The following BMP1 variants were observed in gnomAD, a reference collection of about 807,000 sequenced individuals.
BMP1 encodes mammalian tolloid protein.
BMP1 carries 63 observed loss-of-function variants against 116.8 expected under a neutral mutation model. The observed-to-expected ratio is 0.54, with a 90% CI of 0.44 to 0.67. The LOEUF (loss-of-function observed/expected upper bound fraction) is 0.67. BMP1 is among the 30% of genes least tolerant of loss of function. The pLI is 0.00. For synonymous variants in BMP1, 536 were observed against 533.4 expected (o/e 1.00, Z -0.07); for missense variants, 1,183 against 1,358.9 (o/e 0.87, Z 2.04).
chr8:22,179,978 C>A lies in BMP1; in HGVS notation c.961+149C>A. The A allele has an allele frequency of 1.1e-6, 1 of 945,582 alleles. No individual in the cohort carries two copies. Among genetic ancestry groups the A allele is most frequent in the Non-Finnish European group, 1.5e-6 (1 of 650,188 alleles). 58.6% of individuals were successfully genotyped at this position (945,582 alleles called of 1,614,324 possible). A position where few individuals can be genotyped will look rare whatever the true frequency, so the allele number is the denominator to read the frequency against. ...GGGGACCCCATAGGAGGGGCAGTGTCCAAGTGAAGGAGGCCGCTGGGGGTA... is the reference window on the plus strand; with the variant it reads ...GGGGACCCCATAGGAGGGGCAGTGTACAAGTGAAGGAGGCCGCTGGGGGTA... On this transcript the variant is annotated intron_variant, in intron 7 of 19. Transcript: ENST00000306385. The surrounding 1 kb of genome is among the most constrained non-coding windows in gnomAD (Gnocchi z 4.6).
intron 17 of BMP1, 89 bp from the exon 18 acceptor site, chr8:22,207,214 T>A: frequency 1.4e-6 from 2 of 1,453,582 alleles, no homozygotes; most frequent in Non-Finnish European, 1.9e-6. Flanking sequence ...CCCATGGGTA[T>A]CTGTGAGGCC....
intron 15 of BMP1, among the ~76,000 whole-genome samples, chr8:22,200,953 C>G (rs910057030): frequency 6.6e-6 from 1 of 152,038 alleles, no homozygotes; most frequent in Non-Finnish European, 1.5e-5. Context: ...TGGATGCGCC[C>G]GGACATGGCC....
intron 16 of BMP1, 124 bp from the exon 17 acceptor site, chr8:22,206,730 C>T (rs1829363894): frequency 3.6e-6 from 5 of 1,388,666 alleles, no homozygotes; most frequent in Non-Finnish European, 5.0e-6. Context: ...GCCTGCCATC[C>T]AGTTCATAAG....
chr8:22,168,085 C>T (rs1295352467), intron 1 of BMP1, among the ~76,000 whole-genome samples: 1 of 152,138 alleles, frequency 6.6e-6, no homozygotes, highest in Non-Finnish European at 1.5e-5. Context: ...GTAGCCACGC[C>T]CCTTCGTTGG....
intron 15 of BMP1, chr8:22,199,533 C>T: frequency 1.2e-6 from 1 of 822,162 alleles, no homozygotes; most frequent in Non-Finnish European, 1.6e-6. Flanking sequence ...TTCCCCCACT[C>T]ATTCATCCAG....
At chr8:22,193,449 T>C (rs1455389406) in intron 9 of BMP1, among the ~76,000 whole-genome samples, 1 of 152,200 alleles carries the variant, frequency 6.6e-6, no homozygotes, top group African/African-American at 2.4e-5. Flanking sequence ...AATATGCTCT[T>C]TAGAAAGGTA....
intron 8 of BMP1, among the ~76,000 whole-genome samples, chr8:22,187,567 T>C (rs1828811769): frequency 6.9e-6 from 1 of 145,412 alleles, no homozygotes; most frequent in Non-Finnish European, 1.5e-5. Context: ...GCCAGCATGG[T>C]CTCGATCTCC....
At chr8:22,196,541 A>C in intron 13 of BMP1, 139 bp from the exon 14 acceptor site, 1 of 1,335,998 alleles carries the variant, frequency 7.5e-7, no homozygotes, top group Non-Finnish European at 1.0e-6. Flanking sequence ...TCCGCCCCAG[A>C]GGGACCAGAC....
At chr8:22,203,105 C>T (rs749658272) in intron 16 of BMP1, among the ~76,000 whole-genome samples, 1 of 152,214 alleles carries the variant, frequency 6.6e-6, no homozygotes, top group Admixed American at 6.5e-5. Context: ...ACCTCACAGG[C>T]CCGCTCTAAG....
At position 22,176,218 on chromosome 8, in the gene BMP1, G is replaced by A. The variant is rs1030509678; in HGVS notation, c.338G>A (p.Arg113Lys). 2 of 1,614,194 alleles carry A rather than the reference G, an allele frequency of 1.2e-6. No individual in the cohort carries two copies. Among genetic ancestry groups the A allele is most frequent in the Admixed American group, 1.7e-5 (1 of 60,020 alleles). The change falls in exon 3 of 20, where the codon AGA (arginine) becomes AAA (lysine). Residue 113 changes from arginine (R) to lysine (K), a missense_variant. By Grantham distance (26) the Arg-to-Lys change is conservative. Transcript: ENST00000306385. Reference protein sequence around the residue: ...QPQRGACGRWRGRSRSRRAAT... With the variant: ...QPQRGACGRWKGRSRSRRAAT... ...CAGAGGGGAGCCTGTGGGAGATGGA[G>A]AGGTAGATCCCGTAGCCGGCGGGCG...
At position 22,199,088 on chromosome 8, in the gene BMP1, C is replaced by G. The variant is rs766974821; in HGVS notation, c.2107+1668C>G. The G allele has an allele frequency of 4.4e-6, 6 of 1,367,044 alleles. No homozygotes were observed. The Admixed American group carries it at 1.1e-4, about 26-fold the overall frequency. The allele number at this position is 1,367,044 out of a possible 1,614,324, so 84.7% of individuals were successfully genotyped here. On this transcript the variant is annotated intron_variant, in intron 15 of 19. Transcript: ENST00000306385. Reference sequence around the variant, plus strand: ...CTGGAGTTACTGCTCTGCCCCCATGCCCTGGTCGACACTGTGCCCGCCCCA... The same window carrying G: ...CTGGAGTTACTGCTCTGCCCCCATGGCCTGGTCGACACTGTGCCCGCCCCA...
chr8:22,185,618 CA>C (rs144783534), intron 8 of BMP1, among the ~76,000 whole-genome samples: 5,814 of 151,852 alleles, frequency 0.038, 402 homozygotes, highest in African/African-American at 0.13. Context: ...CTTCAAGGTC[CA>C]ACCCAAATTC....
At position 22,201,895 on chromosome 8, in the gene BMP1, G is replaced by A. The variant is rs148552467; in HGVS notation, c.2200G>A (p.Val734Ile). The A allele has an allele frequency of 3.6e-5, 58 of 1,613,620 alleles. No individual in the cohort carries two copies. The highest frequency in any genetic ancestry group is 4.4e-5 in the Non-Finnish European group (52 of 1,179,924). ...SYECQCRSGF[V>I]LHDNKHDCKE... Reference sequence around the variant, plus strand: ...TGAGTGCCAATGCCGCAGTGGCTTCGTCCTCCATGACAACAAGCACGACTG... The same window carrying A: ...TGAGTGCCAATGCCGCAGTGGCTTCATCCTCCATGACAACAAGCACGACTG... The change falls in exon 16 of 20, where the codon GTC becomes ATC. Residue 734 changes from valine to isoleucine, a missense_variant. By Grantham distance (29) the Val-to-Ile change is conservative. Transcript: ENST00000306385.
chr8:22,185,200 C>T (rs180709422), intron 8 of BMP1, among the ~76,000 whole-genome samples: 1 of 152,192 alleles, frequency 6.6e-6, no homozygotes, highest in Admixed American at 6.5e-5. Flanking sequence ...GCCTGTAATC[C>T]CAGCACTTTG....
At chr8:22,201,215 C>T in intron 15 of BMP1, 1 of 1,608,830 alleles carries the variant, frequency 6.2e-7, no homozygotes, top group South Asian at 1.1e-5. Flanking sequence ...GCCTGCCAGG[C>T]CTCCCGGACC....
chr8:22,201,258 A>T, intron 15 of BMP1: 1 of 1,574,138 alleles, frequency 6.4e-7, no homozygotes, highest in Non-Finnish European at 8.6e-7. Context: ...CTTGGACGGA[A>T]TGGGATGGGG....
chr8:22,167,697 G>A (rs542964377), intron 1 of BMP1, among the ~76,000 whole-genome samples: 62 of 152,318 alleles, frequency 4.1e-4, no homozygotes, highest in African/African-American at 1.3e-3. Flanking sequence ...CTGGTGGGGC[G>A]CTGGGCCAGG....
chr8:22,206,488 C>G (rs12544580), intron 16 of BMP1, among the ~76,000 whole-genome samples: 1 of 147,740 alleles, frequency 6.8e-6, no homozygotes, highest in South Asian at 2.1e-4. Context: ...GGCAACAGAG[C>G]GAGACTCCAT....
At chr8:22,203,384 C>T (rs1464571473) in intron 16 of BMP1, among the ~76,000 whole-genome samples, 1 of 152,090 alleles carries the variant, frequency 6.6e-6, no homozygotes, top group Non-Finnish European at 1.5e-5. Flanking sequence ...GATGAAAACC[C>T]GTCTCTACTA....
Sources: gnomAD v4.1 joint callset for allele counts (sites outside exome capture counted in the v4.1 genomes callset) on GRCh38, gnomAD v4.1.1 for gene constraint, Gnocchi (gnomAD v3.1) non-coding constraint, MANE v1.5 for transcripts, NCBI Gene and HGNC (gene_info 2026-07-23, HGNC 2026-07-21) for gene names.